The following CEP112 variants were observed in gnomAD, a reference collection of about 807,000 sequenced individuals.
CEP112 encodes the protein centrosomal protein 112.
CEP112 carries 127 observed loss-of-function variants against 153.0 expected under a neutral mutation model. The ratio of observed to expected loss-of-function variants is 0.83; its 90% CI spans 0.72 to 0.96. The LOEUF is 0.96. Among genes scored for constraint, CEP112 ranks in the 40% least tolerant of loss-of-function variants. The pLI, the probability that CEP112 is intolerant of heterozygous loss-of-function variation, is 0.00. For missense variants in CEP112, 1,089 were observed against 1,101.2 expected (o/e 0.99, Z 0.16); for synonymous variants, 358 against 374.4 (o/e 0.96, Z 0.51).
At chr17:65,958,684 C>A (rs545025251) in intron 18 of CEP112, among the ~76,000 whole-genome samples, 16 of 135,824 alleles carry the variant, frequency 1.2e-4, no homozygotes, top group Non-Finnish European at 1.8e-4. Flanking sequence ...CTGCAGGCAA[C>A]CCTTGACACC....
At chr17:66,188,285 AAACACACAC>A (rs2073016955) in intron 1 of CEP112, among the ~76,000 whole-genome samples, 1 of 47,474 alleles carries the variant, frequency 2.1e-5, no homozygotes, top group Admixed American at 1.7e-4. Context: ...CCACACACAC[AAACACACAC>A]ACACACACAC....
intron 24 of CEP112, among the ~76,000 whole-genome samples, chr17:65,667,418 T>C (rs2046750131): frequency 6.6e-6 from 1 of 152,078 alleles, no homozygotes. Context: ...AAATGACATA[T>C]TCTGAGTTGG....
rs549952097 is a variant in CEP112 at position 66,086,270 on chromosome 17, G to A, written c.768+9981C>T. On this transcript the variant is annotated intron_variant, in intron 8 of 26. Coordinates refer to ENST00000535342, the MANE Select transcript of CEP112 (RefSeq NM_001199165.4). ...AACATGCACAAGAGTTGTTTTATAG[G>A]GACATGTAAGGCTCTAACAAACTTC... 3.3e-5 allele frequency among the ~76,000 whole-genome samples: 5 copies of A among 151,820 alleles called. No individual in the cohort carries two copies. The East Asian group carries it at 9.7e-4, about 29-fold the overall frequency.
intron 8 of CEP112, among the ~76,000 whole-genome samples, chr17:66,085,784 C>G (rs1483587619): frequency 6.6e-6 from 1 of 152,022 alleles, no homozygotes; most frequent in East Asian, 1.9e-4. Context: ...TGAGACCAGC[C>G]TGACCAACCT....
chr17:66,099,385 T>A (rs969978030), intron 6 of CEP112, among the ~76,000 whole-genome samples: 6 of 150,386 alleles, frequency 4.0e-5, no homozygotes, highest in Non-Finnish European at 8.8e-5. Flanking sequence ...GTGACTATAA[T>A]CCCAGCTATT....
chr17:66,079,771 TAC>T (rs1213747344), intron 8 of CEP112, among the ~76,000 whole-genome samples: 13 of 152,100 alleles, frequency 8.5e-5, no homozygotes, highest in Admixed American at 4.6e-4. Context: ...GCTACAAGGC[TAC>T]ATAACCAGAA....
intron 21 of CEP112, among the ~76,000 whole-genome samples, chr17:65,761,816 T>G (rs1420383845): frequency 6.6e-6 from 1 of 152,104 alleles, no homozygotes; most frequent in East Asian, 1.9e-4. Context: ...CAGAATGTAG[T>G]CTATCTAGGG....
At chr17:66,156,062 T>C (rs1465541149) in intron 4 of CEP112, among the ~76,000 whole-genome samples, 1 of 152,088 alleles carries the variant, frequency 6.6e-6, no homozygotes, top group Non-Finnish European at 1.5e-5. Flanking sequence ...CTCAAGTGGG[T>C]CCCTGACTCC....
At chr17:66,018,160 T>C (rs1018491443) in intron 16 of CEP112, among the ~76,000 whole-genome samples, 6 of 152,180 alleles carry the variant, frequency 3.9e-5, no homozygotes, top group Non-Finnish European at 7.4e-5. Flanking sequence ...AAATTGTTAA[T>C]ACCAGAAAAG....
chr17:65,960,151 T>A (rs984802377), intron 18 of CEP112, among the ~76,000 whole-genome samples: 16 of 152,142 alleles, frequency 1.1e-4, no homozygotes, highest in Non-Finnish European at 8.8e-5. Context: ...ACATTCTTTA[T>A]AATCAGGAAA....
intron 19 of CEP112, chr17:65,903,119 C>A (rs2059936871): frequency 6.6e-6 from 1 of 152,258 alleles, no homozygotes; most frequent in Admixed American, 6.5e-5. Flanking sequence ...GCCAGCCAGG[C>A]TGTCTTTGAA....
chr17:65,878,359 T>G (rs1250066311), intron 20 of CEP112, among the ~76,000 whole-genome samples: 1 of 152,124 alleles, frequency 6.6e-6, no homozygotes, highest in Non-Finnish European at 1.5e-5. Context: ...ATACCCCCAA[T>G]GAAGCTGAAA....
At chr17:66,014,969 T>C (rs1254762989) in intron 16 of CEP112, among the ~76,000 whole-genome samples, 4 of 152,236 alleles carry the variant, frequency 2.6e-5, no homozygotes, top group Non-Finnish European at 1.5e-5. Flanking sequence ...ATAAACCCAC[T>C]TGGTCATGGT....
At chr17:66,025,880 A>G (rs7220025) in intron 16 of CEP112, among the ~76,000 whole-genome samples, 76,847 of 148,164 alleles carry the variant, frequency 0.52, 20,669 homozygotes, top group African/African-American at 0.59. Flanking sequence ...AATCAACTTA[A>G]GTGCCCATAA....
chr17:65,996,642 T>C (rs1322408421), intron 17 of CEP112, among the ~76,000 whole-genome samples: 1 of 152,188 alleles, frequency 6.6e-6, no homozygotes, highest in Non-Finnish European at 1.5e-5. Context: ...AGCTTCATCT[T>C]CCTTATTTTC....
At chr17:66,104,809 G>C (rs765712167) in intron 6 of CEP112, among the ~76,000 whole-genome samples, 11 of 152,138 alleles carry the variant, frequency 7.2e-5, no homozygotes, top group East Asian at 5.8e-4. Flanking sequence ...TTTTATCCTG[G>C]AATAGTATAC....
At chr17:66,011,143 A>G (rs773399351) in intron 16 of CEP112, among the ~76,000 whole-genome samples, 2 of 151,906 alleles carry the variant, frequency 1.3e-5, no homozygotes, top group Non-Finnish European at 2.9e-5. Flanking sequence ...GTAACTCATT[A>G]TTGGTTTGTT....
chr17:65,649,717 C>CAA (rs3077085), intron 24 of CEP112, among the ~76,000 whole-genome samples: 70,435 of 114,096 alleles, frequency 0.62, 21,229 homozygotes, highest in East Asian at 0.91. Flanking sequence ...GACCCTGTCT[C>CAA]AAAAAAAAAA....
chr17:65,948,451 TAA>T (rs752301475), intron 18 of CEP112, among the ~76,000 whole-genome samples: 5 of 152,154 alleles, frequency 3.3e-5, no homozygotes, highest in Non-Finnish European at 7.4e-5. Flanking sequence ...ATACAAGATT[TAA>T]AAGATTTACT....
Sources: gnomAD v4.1 joint callset for allele counts (sites outside exome capture counted in the v4.1 genomes callset) on GRCh38, gnomAD v4.1.1 for gene constraint, MANE v1.5 for transcripts, NCBI Gene and HGNC (gene_info 2026-07-23, HGNC 2026-07-21) for gene names.